Variants in ASH1L observed in about 807,000 individuals in gnomAD.
ASH1L encodes ASH1 like histone lysine methyltransferase.
In ASH1L, 23 loss-of-function variants were observed where a neutral mutation model predicts 269.0. The ratio of observed to expected loss-of-function variants is 0.09; its 90% CI spans 0.06 to 0.12. The LOEUF (loss-of-function observed/expected upper bound fraction) is 0.12. Ranked by LOEUF, ASH1L falls within the 10% of genes least tolerant of loss-of-function variation. The pLI is 1.00. For synonymous variants in ASH1L, 1,187 were observed against 1,253.5 expected (o/e 0.95, Z 1.12); for missense variants, 2,912 against 3,567.8 (o/e 0.82, Z 4.68).
intron 1 of ASH1L, among the ~76,000 whole-genome samples, chr1:155,524,847 CA>C (rs1276489338): frequency 1.3e-5 from 2 of 151,632 alleles, no homozygotes; most frequent in Non-Finnish European, 2.9e-5. Flanking sequence ...CTCAAAAAAA[CA>C]AATACATAAT....
chr1:155,417,226 C>G (rs1318246768), intron 5 of ASH1L, among the ~76,000 whole-genome samples: 1 of 151,026 alleles, frequency 6.6e-6, no homozygotes, highest in Non-Finnish European at 1.5e-5. Context: ...TGAGCCATCA[C>G]GCCCAGCCTC....
At chr1:155,499,463 G>A (rs1485292493) in intron 2 of ASH1L, among the ~76,000 whole-genome samples, 2 of 152,148 alleles carry the variant, frequency 1.3e-5, no homozygotes, top group Admixed American at 1.3e-4. Flanking sequence ...TGTACTCAGT[G>A]ATTTTGACTC....
In ASH1L at chr1:155,482,070, T is replaced by C; in HGVS notation, c.800A>G (p.His267Arg). 6.2e-7 allele frequency: 1 copy of C among 1,614,180 alleles called. No homozygotes were observed. Among genetic ancestry groups the C allele is most frequent in the Non-Finnish European group, 8.5e-7 (1 of 1,180,010 alleles). ...AGVGSVAGII[H>R]KDLIKKPTIS... Reference sequence around the variant, plus strand: ...GGTTGGCTTTTTTATTAAGTCCTTATGTATTATTCCAGCTACAGAGCCAAC... The same window carrying C: ...GGTTGGCTTTTTTATTAAGTCCTTACGTATTATTCCAGCTACAGAGCCAAC... The change falls in exon 3 of 28, where the codon CAT becomes CGT. Residue 267 changes from histidine to arginine, a missense_variant. By Grantham distance (29) the His-to-Arg change is conservative. Transcript: ENST00000392403.
At chr1:155,384,767 G>A (rs751421045) in intron 7 of ASH1L, among the ~76,000 whole-genome samples, 3 of 152,030 alleles carry the variant, frequency 2.0e-5, no homozygotes, top group African/African-American at 4.8e-5. Flanking sequence ...TATCCTGTTC[G>A]GAGTCTGCTA....
chr1:155,542,142 G>C (rs1334154267), intron 1 of ASH1L, among the ~76,000 whole-genome samples: 1 of 148,580 alleles, frequency 6.7e-6, no homozygotes, highest in Non-Finnish European at 1.5e-5. Context: ...TAGGAATGTA[G>C]GATTGTGTTT....
At chr1:155,506,006 A>T (rs552999585) in intron 2 of ASH1L, among the ~76,000 whole-genome samples, 16 of 148,182 alleles carry the variant, frequency 1.1e-4, no homozygotes, top group African/African-American at 2.7e-4. Flanking sequence ...ACCCCACGAC[A>T]GGCCCCGATG....
chr1:155,380,822 T>C (rs1656876388), intron 7 of ASH1L, among the ~76,000 whole-genome samples: 1 of 150,082 alleles, frequency 6.7e-6, no homozygotes, highest in Non-Finnish European at 1.5e-5. Flanking sequence ...TTTTTTTTAG[T>C]AGAGACAGGG....
intron 2 of ASH1L, among the ~76,000 whole-genome samples, chr1:155,506,523 C>T (rs1160403736): frequency 6.8e-6 from 1 of 147,278 alleles, no homozygotes; most frequent in African/African-American, 2.5e-5. Context: ...ATAGCAAAAC[C>T]CCGTCTCTAC....
intron 6 of ASH1L, among the ~76,000 whole-genome samples, chr1:155,397,552 T>C (rs1199998090): frequency 3.3e-5 from 5 of 151,498 alleles, no homozygotes; most frequent in Admixed American, 3.3e-4. Context: ...ACAACCTTCA[T>C]TTATTTATTT....
chr1:155,387,897 T>C (rs1657570757), intron 7 of ASH1L, among the ~76,000 whole-genome samples: 2 of 152,188 alleles, frequency 1.3e-5, no homozygotes, highest in South Asian at 2.1e-4. Context: ...TTTGTGGCAA[T>C]TGTGAATGAG....
intron 1 of ASH1L, among the ~76,000 whole-genome samples, chr1:155,539,977 G>T (rs1670314995): frequency 6.6e-6 from 1 of 152,012 alleles, no homozygotes; most frequent in Admixed American, 6.6e-5. Flanking sequence ...GCTGAGGTGG[G>T]AGGATTCCTT....
chr1:155,485,433 C>A (rs994733375), intron 2 of ASH1L, among the ~76,000 whole-genome samples: 2 of 152,196 alleles, frequency 1.3e-5, no homozygotes, highest in Non-Finnish European at 2.9e-5. Flanking sequence ...ATCCTCCCCC[C>A]GCTCAGCCTT....
At chr1:155,547,452 G>GA (rs1451117699) in intron 1 of ASH1L, among the ~76,000 whole-genome samples, 1 of 151,980 alleles carries the variant, frequency 6.6e-6, no homozygotes. Flanking sequence ...CCATAAAAAG[G>GA]AATGAGATCG....
chr1:155,437,627 G>T (rs898373778), intron 5 of ASH1L, among the ~76,000 whole-genome samples: 3 of 152,182 alleles, frequency 2.0e-5, no homozygotes, highest in African/African-American at 7.2e-5. Flanking sequence ...TTAAAGCAGG[G>T]TCTGAAAGAG....
Position 155,360,323 on chromosome 1 carries a change from T to G in ASH1L, c.6773A>C (p.His2258Pro). The G allele has an allele frequency of 6.2e-7, 1 of 1,612,574 alleles. No individual in the cohort carries two copies. Among genetic ancestry groups the G allele is most frequent in the Non-Finnish European group, 8.5e-7 (1 of 1,178,612 alleles). Reference sequence around the variant, plus strand: ...TACCTGTTTTTCCACATTGAAGGAATGAAAGTTATAATCATAAGTGAGTTC... The same window carrying G: ...TACCTGTTTTTCCACATTGAAGGAAGGAAAGTTATAATCATAAGTGAGTTC... ...GTELTYDYNF[H>P]SFNVEKQQLC... Residue 2258 changes from histidine to proline, a missense_variant, in exon 13 of 28, where the codon CAT becomes CCT. Coordinates refer to ENST00000392403, the MANE Select transcript of ASH1L (RefSeq NM_018489.3).
chr1:155,521,391 T>G lies in ASH1L; in HGVS notation c.129A>C (p.Thr43=). ...GTTTGCGAAGGTCCTCTTCCTCCTT[T>G]GTGTTTTTTTCTAGCTCTACTTCTC... ...SKREVELEKN[T]KEEEDLRKRN... Residue 43 remains threonine (T), a synonymous_variant, in exon 2 of 28, where the codon ACA becomes ACC. Transcript: ENST00000392403. The G allele has an allele frequency of 6.2e-7, 1 of 1,614,192 alleles. No homozygotes were observed. Among genetic ancestry groups the G allele is most frequent in the East Asian group, 2.2e-5 (1 of 44,880 alleles).
rs1363672722 is a variant in ASH1L, at chr1:155,341,967, G to A, written c.8429C>T (p.Pro2810Leu). 2 of 1,614,042 alleles carry A rather than the reference G, an allele frequency of 1.2e-6. No homozygotes were observed. The highest frequency in any genetic ancestry group is 1.7e-6 in the Non-Finnish European group (2 of 1,179,990). The change falls in exon 25 of 28, where the codon CCC becomes CTC. Residue 2810 changes from proline (P) to leucine (L), a missense_variant. Around this residue, in one of 13 missense-constraint regions of ASH1L, gnomAD observed 179 missense variants for 293.8 expected, o/e 0.61. Coordinates refer to ENST00000392403, the MANE Select transcript of ASH1L (RefSeq NM_018489.3). Reference protein sequence around the residue: ...CTKPYAFDHFPKKLTPKKDFS... With the variant: ...CTKPYAFDHFLKKLTPKKDFS... ...ATCTTTTTTGGGAGTGAGCTTCTTG[G>A]GGAAGTGATCAAAAGCATAGGGTTT...
intron 1 of ASH1L, among the ~76,000 whole-genome samples, chr1:155,540,916 C>T (rs573508338): frequency 3.3e-5 from 5 of 152,306 alleles, no homozygotes; most frequent in African/African-American, 9.6e-5. Context: ...TCTCTTCCAG[C>T]ATCTTTCCAT....
At position 155,485,270 on chromosome 1, in the gene ASH1L, A is replaced by C. The variant is rs994345969; in HGVS notation, c.421-2821T>G. Among the ~76,000 whole-genome samples the C allele has an allele frequency of 1.9e-4, 27 of 141,260 alleles. 1 individual carries two copies. The highest frequency in any genetic ancestry group is 5.0e-4 in the African/African-American group (19 of 38,342). The allele number at this position is 141,260 out of a possible 152,430, so 92.7% of individuals were successfully genotyped here. On this transcript the variant is annotated intron_variant, in intron 2 of 27. Transcript: ENST00000392403. Reference sequence around the variant, plus strand: ...GATTCCGTCTCAAAAAAAAAAAAAAACCCAAAACCAAATACCAAAGAACCT... The same window carrying C: ...GATTCCGTCTCAAAAAAAAAAAAAACCCCAAAACCAAATACCAAAGAACCT...
Sources: gnomAD v4.1 joint callset for allele counts (sites outside exome capture counted in the v4.1 genomes callset) on GRCh38, gnomAD v4.1.1 for gene constraint, gnomAD v4.1.1 regional missense constraint, MANE v1.5 for transcripts, NCBI Gene and HGNC (gene_info 2026-07-23, HGNC 2026-07-21) for gene names.